FNDC3B: variants seen among roughly 807,000 people sequenced by gnomAD.
FNDC3B encodes fibronectin type III domain containing 3B, also known as fibronectin type III domain-containing protein 3B.
A neutral mutation model predicts 151.5 loss-of-function variants in FNDC3B; 12 were observed. The ratio of observed to expected loss-of-function variants is 0.08; its 90% CI spans 0.05 to 0.13. The LOEUF (loss-of-function observed/expected upper bound fraction) is 0.13, where lower values mean the gene tolerates loss of function less well. FNDC3B is among the 10% of genes least tolerant of loss of function. FNDC3B has a pLI of 1.00. For missense variants in FNDC3B, 1,214 were observed against 1,505.3 expected, an observed-to-expected ratio of 0.81 and a Z score of 3.20; for synonymous variants, 528 against 549.0, an observed-to-expected ratio of 0.96 and a Z score of 0.54.
intron 8 of FNDC3B, among the ~76,000 whole-genome samples, chr3:172,296,064 T>C (rs936388759): frequency 5.9e-5 from 9 of 152,216 alleles, no homozygotes; most frequent in Non-Finnish European, 8.8e-5. Context: ...TCCCAGGTAT[T>C]GACCATTCAA....
intron 6 of FNDC3B, among the ~76,000 whole-genome samples, chr3:172,277,441 A>G (rs1466439690): frequency 6.6e-6 from 1 of 152,154 alleles, no homozygotes; most frequent in African/African-American, 2.4e-5. Flanking sequence ...GAGCTCTCTC[A>G]GTACCCTTAT....
At chr3:172,284,903 A>C (rs1729931320) in intron 6 of FNDC3B, among the ~76,000 whole-genome samples, 1 of 151,602 alleles carries the variant, frequency 6.6e-6, no homozygotes, top group Non-Finnish European at 1.5e-5. Context: ...GGTTAAATGG[A>C]GTCTACTCTA....
rs141991570 is a variant in FNDC3B at position 172,110,588 on chromosome 3, C to T, written c.-28-1864C>T. ...AGAGAAGAGGTTCTATCCTTAGGCT[C>T]ACCTGTAAGATGTCAGAGCTATGCC... On this transcript the variant is annotated intron_variant, in intron 1 of 25. Transcript: ENST00000415807. 4.5e-3 allele frequency among the ~76,000 whole-genome samples: 680 copies of T among 151,780 alleles called. 13 individuals are homozygous for T. The highest frequency in any genetic ancestry group is 0.038 in the East Asian group (193 of 5,096).
At chr3:172,347,462 G>A (rs1576934360) in intron 21 of FNDC3B, 101 bp downstream of exon 21, 1 of 823,198 alleles carries the variant, frequency 1.2e-6, no homozygotes, top group African/African-American at 1.8e-5. Flanking sequence ...CTGTCAGGAG[G>A]GATGATATGG....
At chr3:172,053,929 A>G (rs775216390) in intron 1 of FNDC3B, among the ~76,000 whole-genome samples, 1 of 152,224 alleles carries the variant, frequency 6.6e-6, no homozygotes, top group Non-Finnish European at 1.5e-5. Flanking sequence ...AGTAATGTAT[A>G]AGAAGCACAA....
chr3:172,296,860 A>G (rs570714007), intron 8 of FNDC3B, among the ~76,000 whole-genome samples: 1 of 152,148 alleles, frequency 6.6e-6, no homozygotes, highest in Admixed American at 6.5e-5. Context: ...TGCAGGGCCA[A>G]CTGGGGACTT....
At chr3:172,206,684 A>AAAAAAAG (rs1553772985) in intron 3 of FNDC3B, among the ~76,000 whole-genome samples, 11 of 139,454 alleles carry the variant, frequency 7.9e-5, no homozygotes, top group African/African-American at 3.1e-4. Context: ...AAAAAAAAAA[A>AAAAAAAG]AAAGTATATT....
intron 3 of FNDC3B, among the ~76,000 whole-genome samples, chr3:172,219,447 T>C (rs1726159968): frequency 6.6e-6 from 1 of 152,258 alleles, no homozygotes; most frequent in Non-Finnish European, 1.5e-5. Context: ...GTTATTTGCA[T>C]AATTTTTCAA....
rs138547607 is a variant in FNDC3B, at chr3:172,378,354, G to T, written c.3093G>T (p.Gln1031His). The change falls in exon 24 of 26, where the codon CAG becomes CAT. Residue 1031 changes from glutamine (Q) to histidine (H), a missense_variant. Gln to His is a conservative substitution (Grantham distance 24). Around this residue, in one of 7 missense-constraint regions of FNDC3B, gnomAD observed 284 missense variants for 392.4 expected, o/e 0.72. Transcript: ENST00000415807. ...TEFTCYSFRI[Q>H]AASEAGEGPF... ...TCACATGCTACTCCTTCAGAATCCA[G>T]GCAGCAAGCGAGGCTGGAGAAGGGC... 6.2e-7 allele frequency: 1 copy of T among 1,614,012 alleles called. No homozygotes were observed. Among genetic ancestry groups the T allele is most frequent in the Non-Finnish European group, 8.5e-7 (1 of 1,179,978 alleles).
At chr3:172,329,244 G>A in intron 12 of FNDC3B, 168 bp downstream of exon 12, 1 of 754,940 alleles carries the variant, frequency 1.3e-6, no homozygotes, top group Non-Finnish European at 2.1e-6. Context: ...CTTTAAGCTG[G>A]TGAATGTCAC....
intron 16 of FNDC3B, 91 bp from the exon 17 acceptor site, chr3:172,341,022 A>T (rs1405876117): frequency 2.4e-6 from 2 of 845,804 alleles, no homozygotes; most frequent in African/African-American, 3.4e-5. Flanking sequence ...GTTGGTTTTC[A>T]TGAAAACATA....
At chr3:172,246,493 A>G (rs888689535) in intron 4 of FNDC3B, among the ~76,000 whole-genome samples, 3 of 152,228 alleles carry the variant, frequency 2.0e-5, no homozygotes, top group African/African-American at 7.2e-5. Context: ...TGTTTCACCA[A>G]AGTTGTTTGC....
intron 9 of FNDC3B, among the ~76,000 whole-genome samples, chr3:172,299,452 C>A (rs1730791563): frequency 6.6e-6 from 1 of 152,094 alleles, no homozygotes; most frequent in African/African-American, 2.4e-5. Flanking sequence ...TTTAGAGAGA[C>A]CATCTGATTA....
intron 1 of FNDC3B, among the ~76,000 whole-genome samples, chr3:172,075,540 G>A (rs544892823): frequency 6.6e-6 from 1 of 151,980 alleles, no homozygotes; most frequent in South Asian, 2.1e-4. Flanking sequence ...AGGCTCCTTG[G>A]CAGTGGATAT....
chr3:172,289,227 G>A (rs1730187453), intron 7 of FNDC3B, among the ~76,000 whole-genome samples: 1 of 152,108 alleles, frequency 6.6e-6, no homozygotes, highest in Non-Finnish European at 1.5e-5. Context: ...GGCTTTGTCT[G>A]CAAAGTCAGC....
At chr3:172,326,036 G>A (rs1276890341) in intron 11 of FNDC3B, among the ~76,000 whole-genome samples, 2 of 152,132 alleles carry the variant, frequency 1.3e-5, no homozygotes, top group African/African-American at 4.8e-5. Context: ...ATGTTGGCCA[G>A]GCTGGTTTCG....
chr3:172,209,979 G>A (rs1725647968), intron 3 of FNDC3B, among the ~76,000 whole-genome samples: 1 of 152,242 alleles, frequency 6.6e-6, no homozygotes, highest in South Asian at 2.1e-4. Context: ...CCCAGGCTCA[G>A]CCACAACTGT....
intron 25 of FNDC3B, among the ~76,000 whole-genome samples, chr3:172,385,463 G>A (rs1735659661): frequency 6.6e-6 from 1 of 152,024 alleles, no homozygotes; most frequent in African/African-American, 2.4e-5. Context: ...AAAGCACCAG[G>A]GTTATTTATA....
At chr3:172,230,963 C>T (rs1726858638) in intron 4 of FNDC3B, among the ~76,000 whole-genome samples, 1 of 148,326 alleles carries the variant, frequency 6.7e-6, no homozygotes, top group Non-Finnish European at 1.5e-5. Context: ...AGGTATATAC[C>T]TGAGAAATGA....
Sources: gnomAD v4.1 joint callset for allele counts (sites outside exome capture counted in the v4.1 genomes callset) on GRCh38, gnomAD v4.1.1 for gene constraint, gnomAD v4.1.1 regional missense constraint, MANE v1.5 for transcripts, NCBI Gene and HGNC (gene_info 2026-07-23, HGNC 2026-07-21) for gene names.